MTMR7: variants seen among roughly 807,000 people sequenced by gnomAD.
The protein encoded by MTMR7 is phosphatidylinositol-3-phosphate phosphatase MTMR7.
Under a neutral mutation model 81.2 loss-of-function variants are expected in MTMR7, and 76 were observed. The observed-to-expected ratio is 0.94, with a 90% CI of 0.78 to 1.13. MTMR7 has a LOEUF of 1.13. Ranked by LOEUF, MTMR7 falls within the 50% of genes most tolerant of loss-of-function variation. The pLI is 0.00. For synonymous variants in MTMR7, 372 were observed against 289.8 expected, an observed-to-expected ratio of 1.28 and a Z score of -2.88; for missense variants, 1,044 against 820.0, an observed-to-expected ratio of 1.27 and a Z score of -3.34.
At chr8:17,403,409 GTTTC>G (rs1435672218) in intron 1 of MTMR7, among the ~76,000 whole-genome samples, 1 of 152,090 alleles carries the variant, frequency 6.6e-6, no homozygotes, top group Non-Finnish European at 1.5e-5. Context: ...TTGTTTCTGG[GTTTC>G]TTTTTCTGTT....
chr8:17,314,773 T>G lies in MTMR7; in HGVS notation c.866-1372A>C, dbSNP rs1425069416. Among the ~76,000 whole-genome samples, 10 of 152,244 alleles carry G rather than the reference T, an allele frequency of 6.6e-5. No homozygotes were observed. The East Asian group carries it at 1.9e-3, about 29-fold the overall frequency. On this transcript the variant is annotated intron_variant, in intron 7 of 13. Coordinates refer to ENST00000180173, the MANE Select transcript of MTMR7 (RefSeq NM_004686.5). ...AAATCTTCCTTCCAAATGCCTGCCC[T>G]GAGCTAGAAGCACAGCTCTGAAGAC...
chr8:17,357,720 T>C (rs1002718998), intron 4 of MTMR7, among the ~76,000 whole-genome samples: 1 of 152,154 alleles, frequency 6.6e-6, no homozygotes, highest in Non-Finnish European at 1.5e-5. Context: ...GGCAAAGGAA[T>C]AGCAATGCCA....
intron 5 of MTMR7, among the ~76,000 whole-genome samples, chr8:17,348,257 G>T (rs1819619468): frequency 6.6e-6 from 1 of 151,986 alleles, no homozygotes; most frequent in Non-Finnish European, 1.5e-5. Flanking sequence ...AGGTAATAAG[G>T]CCGGGCACAG....
intron 6 of MTMR7, among the ~76,000 whole-genome samples, chr8:17,336,008 G>C (rs1482541161): frequency 6.6e-6 from 1 of 152,116 alleles, no homozygotes; most frequent in Non-Finnish European, 1.5e-5. Flanking sequence ...GAAGAGAAGA[G>C]GTAAATTTCT....
chr8:17,388,532 C>T (rs530965634), intron 1 of MTMR7, among the ~76,000 whole-genome samples: 200 of 152,296 alleles, frequency 1.3e-3, no homozygotes, highest in African/African-American at 4.6e-3. Context: ...GTCAGAGGCT[C>T]ATTTGATTAT....
chr8:17,403,755 G>A (rs145769983), intron 1 of MTMR7, among the ~76,000 whole-genome samples: 47 of 151,444 alleles, frequency 3.1e-4, no homozygotes, highest in African/African-American at 9.4e-4. Context: ...TTTCATCAGC[G>A]TTTTATAGTT....
intron 7 of MTMR7, among the ~76,000 whole-genome samples, chr8:17,330,752 G>T (rs1438503475): frequency 6.6e-6 from 1 of 152,148 alleles, no homozygotes; most frequent in Non-Finnish European, 1.5e-5. Flanking sequence ...CCTTCGAATG[G>T]CCATTCAGCA....
intron 8 of MTMR7, among the ~76,000 whole-genome samples, chr8:17,312,766 A>C (rs1024203298): frequency 6.6e-6 from 1 of 152,126 alleles, no homozygotes; most frequent in Non-Finnish European, 1.5e-5. Flanking sequence ...ATCAGGGAAG[A>C]TATGGTTCTC....
intron 5 of MTMR7, among the ~76,000 whole-genome samples, chr8:17,344,155 C>G (rs1819487393): frequency 6.6e-6 from 1 of 152,070 alleles, no homozygotes; most frequent in African/African-American, 2.4e-5. Flanking sequence ...ATGAAGTGAC[C>G]AAAGCACAGA....
intron 7 of MTMR7, among the ~76,000 whole-genome samples, chr8:17,315,798 G>T (rs1164224358): frequency 6.6e-6 from 1 of 152,124 alleles, no homozygotes; most frequent in Non-Finnish European, 1.5e-5. Flanking sequence ...GATCATTTGA[G>T]TCAAGGAGTT....
At chr8:17,380,541 C>T (rs765845771) in intron 1 of MTMR7, among the ~76,000 whole-genome samples, 14 of 148,526 alleles carry the variant, frequency 9.4e-5, no homozygotes, top group Non-Finnish European at 1.5e-4. Context: ...ATACCACACA[C>T]GTAAAATACA....
chr8:17,395,717 A>T (rs187355362), intron 1 of MTMR7, among the ~76,000 whole-genome samples: 1 of 152,148 alleles, frequency 6.6e-6, no homozygotes, highest in Non-Finnish European at 1.5e-5. Flanking sequence ...GGCCATTTGT[A>T]TATCTTCTTT....
rs767705079 is a variant in MTMR7 at position 17,300,187 on chromosome 8, G to A, written c.1658C>T (p.Thr553Ile). The change falls in exon 14 of 14, where the codon ACT becomes ATT. Residue 553 changes from threonine to isoleucine, a missense_variant. Coordinates refer to ENST00000180173, the MANE Select transcript of MTMR7 (RefSeq NM_004686.5). ...CTCACTTTGCTTACTCTTCACCTTA[G>A]TGCAATTTAACTGGACCTTTTGAAT... Reference protein sequence around the residue: ...EKIQKVQLNCTKVKSKQSEPS... With the variant: ...EKIQKVQLNCIKVKSKQSEPS... 2 of 1,613,416 alleles carry A rather than the reference G, an allele frequency of 1.2e-6. No homozygotes were observed. The highest frequency in any genetic ancestry group is 2.2e-5 in the South Asian group (2 of 91,032).
rs186317772 is a variant in MTMR7, at chr8:17,309,384, C to T, written c.1102-58G>A. 1.2e-4 allele frequency: 135 copies of T among 1,165,398 alleles called. No homozygotes were observed. The East Asian group carries it at 3.1e-3, about 27-fold the overall frequency. The allele number at this position is 1,165,398 out of a possible 1,614,324, so 72.2% of individuals were successfully genotyped here. A position where few individuals can be genotyped will look rare whatever the true frequency, so the allele number is the denominator to read the frequency against. On this transcript the variant is annotated intron_variant, in intron 9 of 13. Coordinates refer to ENST00000180173, the MANE Select transcript of MTMR7 (RefSeq NM_004686.5). Reference sequence around the variant, plus strand: ...GAAGCAAACGAAAAATAAGAGACCACACAACCAATAATGTTGAGGAATTCA... The same window carrying T: ...GAAGCAAACGAAAAATAAGAGACCATACAACCAATAATGTTGAGGAATTCA...
chr8:17,323,347 A>G (rs890248828), intron 7 of MTMR7, among the ~76,000 whole-genome samples: 1 of 152,078 alleles, frequency 6.6e-6, no homozygotes, highest in Admixed American at 6.6e-5. Context: ...TCCACTTTCC[A>G]TATTATTTTC....
chr8:17,394,313 T>C (rs1821187037), intron 1 of MTMR7, among the ~76,000 whole-genome samples: 1 of 152,338 alleles, frequency 6.6e-6, no homozygotes, highest in East Asian at 1.9e-4. Context: ...AACTGATGAA[T>C]GCATAAACAA....
At chr8:17,404,849 G>A (rs1050133868) in intron 1 of MTMR7, among the ~76,000 whole-genome samples, 2 of 152,034 alleles carry the variant, frequency 1.3e-5, no homozygotes, top group South Asian at 2.1e-4. Context: ...TTGTTGAGAC[G>A]GAGTCTTGCT....
chr8:17,338,006 G>C (rs1394979706), intron 6 of MTMR7, among the ~76,000 whole-genome samples: 1 of 152,184 alleles, frequency 6.6e-6, no homozygotes, highest in East Asian at 1.9e-4. Flanking sequence ...GTGCCTGCTT[G>C]CCAGGGTCCA....
In MTMR7 at chr8:17,305,861, G is replaced by A. The variant is rs745364153; in HGVS notation, c.1248C>T (p.Ala416=). The A allele has an allele frequency of 3.0e-5, 48 of 1,613,602 alleles. No individual in the cohort carries two copies. The South Asian group carries it at 5.1e-4, about 17-fold the overall frequency. Residue 416 remains alanine (A), a synonymous_variant, in exon 11 of 14, where the codon GCC becomes GCT. Transcript: ENST00000180173. ...TCAAAAACCTCTCATTGAACTCAAA[G>A]GCACAGGGAAATTGTTCCATTAACT... ...VWQLMEQFPC[A]FEFNERFLIH...
Sources: gnomAD v4.1 joint callset for allele counts (sites outside exome capture counted in the v4.1 genomes callset) on GRCh38, gnomAD v4.1.1 for gene constraint, MANE v1.5 for transcripts, NCBI Gene and HGNC (gene_info 2026-07-23, HGNC 2026-07-21) for gene names.